INTU: variants seen among roughly 807,000 people sequenced by gnomAD.
INTU encodes inturned planar cell polarity protein, also known as protein inturned.
In INTU, 68 loss-of-function variants were observed where a neutral mutation model predicts 100.5. The ratio of observed to expected loss-of-function variants is 0.68; its 90% CI spans 0.56 to 0.83. INTU has a LOEUF of 0.83. Ranked by LOEUF, INTU falls within the 40% of genes least tolerant of loss-of-function variation. The pLI is 0.00. For synonymous variants in INTU, 357 were observed against 395.7 expected, an observed-to-expected ratio of 0.90 and a Z score of 1.16; for missense variants, 1,071 against 1,114.7, an observed-to-expected ratio of 0.96 and a Z score of 0.56.
chr4:127,655,267 G>C (rs1438243102), intron 2 of INTU, among the ~76,000 whole-genome samples: 1 of 152,188 alleles, frequency 6.6e-6, no homozygotes, highest in Non-Finnish European at 1.5e-5. Flanking sequence ...TGCTGGTGAG[G>C]AACTGCGTTC....
chr4:127,638,580 A>G (rs1727174630), intron 1 of INTU, among the ~76,000 whole-genome samples: 1 of 152,178 alleles, frequency 6.6e-6, no homozygotes, highest in Admixed American at 6.5e-5. Context: ...ATACGTCAGG[A>G]ATGAGACAAT....
chr4:127,663,844 G>A (rs1013463404), intron 4 of INTU, among the ~76,000 whole-genome samples: 9 of 152,020 alleles, frequency 5.9e-5, no homozygotes, highest in South Asian at 2.1e-4. Context: ...GGAAGGTATC[G>A]TTGCAATATC....
At position 127,723,433 on chromosome 4, in the gene INTU, T is replaced by G. The variant is rs760583882; in HGVS notation, c.*6997T>G. 3 of 148,878 alleles carry G rather than the reference T, an allele frequency of 2.0e-5. No homozygotes were observed. Among genetic ancestry groups the G allele is most frequent in the African/African-American group, 5.1e-5 (2 of 39,514 alleles). 9.2% of individuals were successfully genotyped at this position (148,878 alleles called of 1,614,324 possible). ...TCTTGCATGTTGGTCACCTCCTAAA[T>G]TAGTAATGTCCAAGTACTTATTCCT... is the stretch of plus-strand genomic sequence containing the variant. On this transcript the variant is annotated 3_prime_UTR_variant, in exon 16 of 16. Transcript: ENST00000335251.
At chr4:127,688,291 T>C (rs1444495081) in intron 8 of INTU, among the ~76,000 whole-genome samples, 1 of 152,202 alleles carries the variant, frequency 6.6e-6, no homozygotes, top group East Asian at 1.9e-4. Context: ...AAATCTTTTT[T>C]TACATGAACA....
Position 127,705,787 on chromosome 4 carries a change from G to T in INTU, c.1763G>T (p.Arg588Ile). 6.2e-7 allele frequency: 1 copy of T among 1,613,958 alleles called. No homozygotes were observed. The highest frequency in any genetic ancestry group is 1.3e-5 in the African/African-American group (1 of 75,038). Residue 588 changes from arginine (R) to isoleucine (I), a missense_variant, in exon 11 of 16, where the codon AGA becomes ATA. Transcript: ENST00000335251. ...GAAGTCTTTCCGGAACCTGAAGGAA[G>T]ATATTTTTTGCTAGTTGTTGGCTTG... ...STEVFPEPEG[R>I]YFLLVVGLKH...
chr4:127,708,404 T>TGG (rs2148734198), intron 12 of INTU, among the ~76,000 whole-genome samples, 167 bp from the exon 13 acceptor site: 1 of 152,330 alleles, frequency 6.6e-6, no homozygotes, highest in East Asian at 1.9e-4. Context: ...CTGGGATCCC[T>TGG]GTCAGCCATG....
At chr4:127,657,749 A>C (rs1245582963) in intron 3 of INTU, among the ~76,000 whole-genome samples, 1 of 151,800 alleles carries the variant, frequency 6.6e-6, no homozygotes. Flanking sequence ...CATCACCCCC[A>C]GATGGGACCA....
At chr4:127,688,730 G>A (rs548995145) in intron 8 of INTU, among the ~76,000 whole-genome samples, 17 of 152,260 alleles carry the variant, frequency 1.1e-4, no homozygotes, top group African/African-American at 3.8e-4. Context: ...CTTCATGGAA[G>A]ATTTATGAGT....
intron 2 of INTU, among the ~76,000 whole-genome samples, chr4:127,644,421 C>T (rs1285695225): frequency 6.6e-6 from 1 of 152,094 alleles, no homozygotes; most frequent in African/African-American, 2.4e-5. Context: ...TAACAGGATA[C>T]AAAAATATAT....
intron 6 of INTU, among the ~76,000 whole-genome samples, chr4:127,675,362 T>C (rs887880026): frequency 2.0e-5 from 3 of 152,202 alleles, no homozygotes; most frequent in African/African-American, 7.2e-5. Flanking sequence ...ACCAGAAAGA[T>C]GCATTATCTA....
chr4:127,691,962 G>GTGTATA lies in INTU; in HGVS notation c.1449+4096_1449+4097insGTATAT. On this transcript the variant is annotated intron_variant, in intron 8 of 15. Transcript: ENST00000335251. ...GGCGGAGTATAGTGTTCCATGGTAT[G>GTGTATA]TATATATATATATATATATGTCACA... Among the ~76,000 whole-genome samples the GTGTATA allele has an allele frequency of 8.9e-3, 878 of 98,258 alleles. 102 individuals are homozygous for GTGTATA. The highest frequency in any genetic ancestry group is 0.026 in the African/African-American group (645 of 24,940). 64.5% of individuals were successfully genotyped at this position (98,258 alleles called of 152,430 possible).
At chr4:127,698,157 C>A (rs1163034099) in intron 8 of INTU, among the ~76,000 whole-genome samples, 1 of 151,696 alleles carries the variant, frequency 6.6e-6, no homozygotes, top group Non-Finnish European at 1.5e-5. Context: ...GTGAGGCCGG[C>A]CGCAGTGGCT....
chr4:127,679,663 A>C (rs1278227694), intron 6 of INTU, among the ~76,000 whole-genome samples: 3 of 151,946 alleles, frequency 2.0e-5, no homozygotes, highest in African/African-American at 7.3e-5. Flanking sequence ...AAAGATCCAA[A>C]ATTGACACCC....
In INTU at chr4:127,706,790, G is replaced by A; in HGVS notation, c.2092G>A (p.Gly698Ser). 1 of 1,614,066 alleles carries A rather than the reference G, an allele frequency of 6.2e-7. No individual in the cohort carries two copies. Among genetic ancestry groups the A allele is most frequent in the Non-Finnish European group, 8.5e-7 (1 of 1,179,986 alleles). Residue 698 changes from glycine to serine, a missense_variant, in exon 12 of 16, where the codon GGT becomes AGT. By Grantham distance (56) the Gly-to-Ser change is moderately conservative (BLOSUM62 0). Coordinates refer to ENST00000335251, the MANE Select transcript of INTU (RefSeq NM_015693.4). Reference sequence around the variant, plus strand: ...TCCAACATGCAGAAGAACGCTTTTTGGTGACTATTCCTTAAAGACACGCAA... The same window carrying A: ...TCCAACATGCAGAAGAACGCTTTTTAGTGACTATTCCTTAAAGACACGCAA... ...TSPTCRRTLF[G>S]DYSLKTRKPS...
At chr4:127,654,568 C>T (rs373499973) in intron 2 of INTU, among the ~76,000 whole-genome samples, 3 of 151,992 alleles carry the variant, frequency 2.0e-5, no homozygotes, top group Non-Finnish European at 2.9e-5. Flanking sequence ...TCTTCTGGCT[C>T]GTAGGGTTTC....
rs144303370 is a variant in INTU at position 127,716,457 on chromosome 4, G to C, written c.*21G>C. On this transcript the variant is annotated 3_prime_UTR_variant, in exon 16 of 16. Coordinates refer to ENST00000335251, the MANE Select transcript of INTU (RefSeq NM_015693.4). Reference sequence around the variant, plus strand: ...TGTAGCTGTGCTTTCTTGATGCGTAGAAACACGTGCATGGAGGATCAAACA... The same window carrying C: ...TGTAGCTGTGCTTTCTTGATGCGTACAAACACGTGCATGGAGGATCAAACA... The C allele has an allele frequency of 3.8e-4, 447 of 1,176,724 alleles. 2 individuals are homozygous for C. In the African/African-American group the frequency reaches 6.1e-3, roughly 16 times the overall value. 72.9% of individuals were successfully genotyped at this position (1,176,724 alleles called of 1,614,324 possible). A position where few individuals can be genotyped will look rare whatever the true frequency, so the allele number is the denominator to read the frequency against.
At chr4:127,636,045 TG>T (rs1464967112) in intron 1 of INTU, among the ~76,000 whole-genome samples, 4 of 152,038 alleles carry the variant, frequency 2.6e-5, no homozygotes, top group Non-Finnish European at 4.4e-5. Flanking sequence ...GCAGGAGCAT[TG>T]CTTGACACCA....
In INTU at chr4:127,711,073, G is replaced by C. The variant is rs1731076803; in HGVS notation, c.2530G>C (p.Ala844Pro). The change falls in exon 14 of 16, where the codon GCA becomes CCA. Residue 844 changes from alanine (A) to proline (P), a missense_variant. Physicochemically the swap from Ala to Pro is conservative, Grantham distance 27. Transcript: ENST00000335251. ...CCATCAGTGTTGTCTTTCCATTCGT[G>C]CAGTTTTCCAACAGACATTGGTGGA... is the stretch of plus-strand genomic sequence containing the variant. Reference protein sequence around the residue: ...NFHQCCLSIRAVFQQTLVEEK... With the variant: ...NFHQCCLSIRPVFQQTLVEEK... 7.5e-6 allele frequency: 12 copies of C among 1,598,572 alleles called. No homozygotes were observed. Among genetic ancestry groups the C allele is most frequent in the Non-Finnish European group, 9.4e-6 (11 of 1,169,012 alleles).
At chr4:127,654,045 C>T (rs982607182) in intron 2 of INTU, among the ~76,000 whole-genome samples, 1 of 150,624 alleles carries the variant, frequency 6.6e-6, no homozygotes, top group African/African-American at 2.5e-5. Flanking sequence ...GGATTGAAAC[C>T]CCTGCCTTTT....
Sources: allele counts gnomAD v4.1 joint callset (sites outside exome capture counted in the v4.1 genomes callset), GRCh38; gene constraint gnomAD v4.1.1; transcripts MANE v1.5; gene names NCBI Gene and HGNC (gene_info 2026-07-23, HGNC 2026-07-21).